Variants in FAM149A observed in about 807,000 individuals in gnomAD.
The protein encoded by FAM149A is protein FAM149A.
Under a neutral mutation model 78.2 loss-of-function variants are expected in FAM149A, and 71 were observed. That is an observed-to-expected ratio of 0.91 (90% CI 0.75 to 1.11). The LOEUF is 1.11. Among genes scored for constraint, FAM149A ranks in the 50% least tolerant of loss-of-function variants. The pLI is 0.00. For synonymous variants in FAM149A, 446 were observed against 410.5 expected, an observed-to-expected ratio of 1.09 and a Z score of -1.04; for missense variants, 1,036 against 971.0, an observed-to-expected ratio of 1.07 and a Z score of -0.89.
At chr4:186,126,248 C>T (rs1460678650) in intron 1 of FAM149A, among the ~76,000 whole-genome samples, 1 of 152,150 alleles carries the variant, frequency 6.6e-6, no homozygotes, top group Non-Finnish European at 1.5e-5. Context: ...TCACATCTTC[C>T]CGAGATGCCC....
Position 186,163,651 on chromosome 4 carries a change from C to T in FAM149A, c.1889+18C>T. 1 of 1,596,336 alleles carries T rather than the reference C, an allele frequency of 6.3e-7. No individual in the cohort carries two copies. The highest frequency in any genetic ancestry group is 8.6e-7 in the Non-Finnish European group (1 of 1,165,902). ...ACAAAACTGTGAGTCTCATTTCTTTCATAGTAAACTAAAGGCCACGGAGGA... is the reference window on the plus strand; with the variant it reads ...ACAAAACTGTGAGTCTCATTTCTTTTATAGTAAACTAAAGGCCACGGAGGA... On this transcript the variant is annotated intron_variant, in intron 10 of 13. Transcript: ENST00000389354.
intron 1 of FAM149A, among the ~76,000 whole-genome samples, chr4:186,135,536 C>G (rs1169699235): frequency 1.3e-5 from 2 of 152,124 alleles, no homozygotes; most frequent in Admixed American, 1.3e-4. Flanking sequence ...GTCAACTGAT[C>G]GATACCTGAG....
At chr4:186,151,751 A>G (rs1011198741) in intron 3 of FAM149A, 152 bp from the exon 4 acceptor site, 11 of 985,412 alleles carry the variant, frequency 1.1e-5, no homozygotes, top group Non-Finnish European at 1.3e-5. Flanking sequence ...CAGCTAGAGC[A>G]CAGGTGTGTC....
At chr4:186,111,423 T>G (rs1262464110) in intron 1 of FAM149A, among the ~76,000 whole-genome samples, 3 of 151,962 alleles carry the variant, frequency 2.0e-5, no homozygotes, top group East Asian at 1.9e-4. Context: ...GTCAATTTTG[T>G]CTTTTGTTGC....
chr4:186,121,504 G>A (rs533044769), intron 1 of FAM149A, among the ~76,000 whole-genome samples: 3 of 152,262 alleles, frequency 2.0e-5, no homozygotes, highest in African/African-American at 4.8e-5. Flanking sequence ...ATGTATTAAA[G>A]TGACAATTTA....
chr4:186,118,239 G>A (rs1232387416), intron 1 of FAM149A: 1 of 985,230 alleles, frequency 1.0e-6, no homozygotes, highest in African/African-American at 1.7e-5. Context: ...TGCTGTGGGA[G>A]TTTCAAGACC....
intron 1 of FAM149A, among the ~76,000 whole-genome samples, chr4:186,148,036 C>A (rs749051825): frequency 2.6e-5 from 4 of 152,134 alleles, no homozygotes; most frequent in East Asian, 1.9e-4. Context: ...TTTAAAAATT[C>A]TCTTTGTTGG....
chr4:186,157,701 T>C lies in FAM149A; in HGVS notation c.1557T>C (p.Ser519=). Reference sequence around the variant, plus strand: ...AGGCTCACGGCATCTCCCTGGCTTCTCGTCTGAACCCGCCCCAGGTCGGTG... The same window carrying C: ...AGGCTCACGGCATCTCCCTGGCTTCCCGTCTGAACCCGCCCCAGGTCGGTG... The change falls in exon 8 of 14, where the codon TCT becomes TCC. Residue 519 remains serine, a synonymous_variant. Coordinates refer to ENST00000389354, the MANE Select transcript of FAM149A (RefSeq NM_001367768.3). The C allele has an allele frequency of 3.7e-6, 6 of 1,611,716 alleles. No homozygotes were observed. Among genetic ancestry groups the C allele is most frequent in the Non-Finnish European group, 5.1e-6 (6 of 1,178,658 alleles).
chr4:186,104,987 G>T lies in FAM149A; in HGVS notation c.-90G>T, dbSNP rs545515005. 1.7e-4 allele frequency: 208 copies of T among 1,218,780 alleles called. 3 individuals carry two copies. The East Asian group carries it at 0.013, about 75-fold the overall frequency. The allele number at this position is 1,218,780 out of a possible 1,614,324, so 75.5% of individuals were successfully genotyped here. A position where few individuals can be genotyped will look rare whatever the true frequency, so the allele number is the denominator to read the frequency against. On this transcript the variant is annotated 5_prime_UTR_variant, in exon 1 of 14. Coordinates refer to ENST00000389354, the MANE Select transcript of FAM149A (RefSeq NM_001367768.3). ...GGGGCTCCGGGTGCGGGGACCTCAG[G>T]CTCCTCGCCCCGGCCCGGGCCGCCT...
At chr4:186,125,192 G>T in intron 1 of FAM149A, 1 of 893,956 alleles carries the variant, frequency 1.1e-6, no homozygotes, top group Non-Finnish European at 1.3e-6. Flanking sequence ...CCTTGCTGTT[G>T]GCATCTCACA....
chr4:186,132,343 A>T (rs2099321079), intron 1 of FAM149A: 1 of 543,408 alleles, frequency 1.8e-6, no homozygotes, highest in Non-Finnish European at 2.3e-6. Context: ...AGAGATAAAC[A>T]GTGGGCCATG....
Position 186,161,004 on chromosome 4 carries a change from A to G in FAM149A, c.1576-1841A>G, listed in dbSNP as rs1481753825. 3 of 316,878 alleles carry G rather than the reference A, an allele frequency of 9.5e-6. No individual in the cohort carries two copies. The East Asian group carries it at 5.1e-4, about 54-fold the overall frequency. 19.6% of individuals were successfully genotyped at this position (316,878 alleles called of 1,614,324 possible). A position where few individuals can be genotyped will look rare whatever the true frequency, so the allele number is the denominator to read the frequency against. The stretch of plus-strand genomic sequence containing the variant: ...AAACATTTTGTGTAGTGTCTGGTGT[A>G]GAGTGGACGTTCAATAAGTGTTACC... On this transcript the variant is annotated intron_variant, in intron 8 of 13. Coordinates refer to ENST00000389354, the MANE Select transcript of FAM149A (RefSeq NM_001367768.3).
chr4:186,146,964 T>C, intron 1 of FAM149A: 1 of 985,424 alleles, frequency 1.0e-6, no homozygotes, highest in Non-Finnish European at 1.2e-6. Flanking sequence ...GCTTAAAAGA[T>C]GAATAAGGTG....
intron 8 of FAM149A, among the ~76,000 whole-genome samples, chr4:186,160,051 TAC>T (rs1734419099): frequency 1.6e-5 from 1 of 63,392 alleles, no homozygotes; most frequent in African/African-American, 6.2e-5. Context: ...ACACACCACA[TAC>T]CATACACCAC....
intron 1 of FAM149A, chr4:186,123,055 A>G (rs1295797832): frequency 2.8e-5 from 6 of 211,760 alleles, no homozygotes; most frequent in African/African-American, 1.4e-4. Flanking sequence ...GTTACAAGGG[A>G]ATAAGAAATG....
At chr4:186,153,893 G>T in intron 5 of FAM149A, 123 bp downstream of exon 5, 2 of 1,045,994 alleles carry the variant, frequency 1.9e-6, no homozygotes, top group South Asian at 3.3e-5. Flanking sequence ...TCTGATGAAG[G>T]GCAGGTACAG....
Position 186,175,045 on chromosome 4 carries a change from A to G in FAM149A, c.*3058A>G, listed in dbSNP as rs139294949. ...TCCAAAACCAAAGAAAGAATGAAGA[A>G]ATTTTAAAACAATCTAAGAAAATGT... On this transcript the variant is annotated 3_prime_UTR_variant, in exon 14 of 14. Transcript: ENST00000389354. Among the ~76,000 whole-genome samples, 1,061 of 111,806 alleles carry G rather than the reference A, an allele frequency of 9.5e-3. 233 individuals are homozygous for G. The highest frequency in any genetic ancestry group is 0.029 in the African/African-American group (1,035 of 36,020). 73.3% of individuals were successfully genotyped at this position (111,806 alleles called of 152,430 possible).
At chr4:186,125,211 C>T in intron 1 of FAM149A, 1 of 973,436 alleles carries the variant, frequency 1.0e-6, no homozygotes, top group African/African-American at 1.8e-5. Flanking sequence ...CAAACCTTTT[C>T]CTTTCTCTCA....
chr4:186,108,413 T>A (rs1365851033), intron 1 of FAM149A, among the ~76,000 whole-genome samples: 16 of 140,682 alleles, frequency 1.1e-4, no homozygotes, highest in Admixed American at 1.0e-3. Flanking sequence ...TACTTGGCTT[T>A]AAAAAAAAAA....
Sources: gnomAD v4.1 joint callset for allele counts (sites outside exome capture counted in the v4.1 genomes callset) on GRCh38, gnomAD v4.1.1 for gene constraint, MANE v1.5 for transcripts, NCBI Gene and HGNC (gene_info 2026-07-23, HGNC 2026-07-21) for gene names.